The following ZNF345 variants were observed in gnomAD, a reference collection of about 807,000 sequenced individuals.
ZNF345 encodes zinc finger protein HZF10.
For synonymous variants in ZNF345, 166 were observed against 187.9 expected, an observed-to-expected ratio of 0.88 and a Z score of 0.95; for missense variants, 527 against 589.9, an observed-to-expected ratio of 0.89 and a Z score of 1.10.
chr19:36,850,480 T>G (rs1234307637), upstream of ZNF345: 1 of 152,198 alleles, frequency 6.6e-6, no homozygotes, highest in Non-Finnish European at 1.5e-5. Flanking sequence ...ACGGGCTGGG[T>G]GAAGGAGTTA....
intron 2 of ZNF345, among the ~76,000 whole-genome samples, chr19:36,873,933 A>C (rs1312155210): frequency 1.3e-5 from 2 of 152,120 alleles, no homozygotes; most frequent in African/African-American, 4.8e-5. Context: ...ACTGCTTTGA[A>C]CATGTGAGTG....
At chr19:36,868,780 C>T (rs2072716368) in intron 2 of ZNF345, among the ~76,000 whole-genome samples, 2 of 152,012 alleles carry the variant, frequency 1.3e-5, no homozygotes, top group African/African-American at 4.8e-5. Flanking sequence ...TGCGTGCCAC[C>T]ACGCCCAGCT....
At chr19:36,864,125 A>G (rs1477817883) in intron 2 of ZNF345, among the ~76,000 whole-genome samples, 2 of 152,242 alleles carry the variant, frequency 1.3e-5, no homozygotes, top group Non-Finnish European at 2.9e-5. Flanking sequence ...TTGAACTAGG[A>G]AAGTTTAATA....
At chr19:36,892,598 G>T in intron 3 of ZNF345, 1 of 1,002,426 alleles carries the variant, frequency 1.0e-6, no homozygotes, top group South Asian at 1.7e-5. Context: ...AGGTGGAGAG[G>T]CAATCTGTAA....
chr19:36,880,824 A>T (rs947775230), downstream of ZNF345, among the ~76,000 whole-genome samples: 1 of 152,178 alleles, frequency 6.6e-6, no homozygotes, highest in African/African-American at 2.4e-5. Flanking sequence ...ATTATTTTTT[A>T]AATAAGTGGC....
chr19:36,881,955 GTC>G (rs2072970651), downstream of ZNF345, among the ~76,000 whole-genome samples: 1 of 151,554 alleles, frequency 6.6e-6, no homozygotes, highest in South Asian at 2.1e-4. Context: ...TCAGTTTTCA[GTC>G]TCTGTATATA....
At chr19:36,872,857 A>G in intron 2 of ZNF345, 1 of 152,232 alleles carries the variant, frequency 6.6e-6, no homozygotes. Flanking sequence ...TTTCCGCAGC[A>G]CAATTCATTA....
At chr19:36,860,507 T>C (rs1187733699) in intron 2 of ZNF345, among the ~76,000 whole-genome samples, 1 of 152,158 alleles carries the variant, frequency 6.6e-6, no homozygotes, top group Non-Finnish European at 1.5e-5. Flanking sequence ...TCTGGAAGAG[T>C]TGCTCTCTCT....
chr19:36,866,210 TTTC>T (rs2072657041), intron 2 of ZNF345, among the ~76,000 whole-genome samples: 1 of 152,166 alleles, frequency 6.6e-6, no homozygotes. Flanking sequence ...CTGTTTCTTT[TTTC>T]TTCTTTTCCC....
chr19:36,866,360 C>A (rs2072659851), intron 2 of ZNF345, among the ~76,000 whole-genome samples: 1 of 152,066 alleles, frequency 6.6e-6, no homozygotes, highest in Admixed American at 6.5e-5. Context: ...AAGCCATCTG[C>A]CTGCCCAAAC....
intron 3 of ZNF345, chr19:36,891,750 A>G (rs1265993348): frequency 1.2e-6 from 2 of 1,614,072 alleles, no homozygotes; most frequent in Non-Finnish European, 1.7e-6. Context: ...GCTTCTCACC[A>G]GCATGAATTC....
chr19:36,871,118 A>G (rs2072762553), intron 2 of ZNF345, among the ~76,000 whole-genome samples: 1 of 152,226 alleles, frequency 6.6e-6, no homozygotes, highest in Admixed American at 6.5e-5. Context: ...AGTGTCTGGT[A>G]AGGACCTGCT....
Position 36,876,795 on chromosome 19 carries a change from A to G in ZNF345, c.-36A>G, listed in dbSNP as rs754095062. 1 of 1,541,034 alleles carries G rather than the reference A, an allele frequency of 6.5e-7. No homozygotes were observed. The highest frequency in any genetic ancestry group is 1.4e-5 in the African/African-American group (1 of 72,212). On this transcript the variant is annotated 5_prime_UTR_variant, in exon 3 of 3. Coordinates refer to ENST00000420450, the MANE Select transcript of ZNF345 (RefSeq NM_001242472.2). ...TATATTTTCTTTCAGACTATGAATC[A>G]AAGTTGAGACCAAGAAATTATTTCT...
chr19:36,872,977 G>A (rs989452801), intron 2 of ZNF345, among the ~76,000 whole-genome samples: 3 of 152,014 alleles, frequency 2.0e-5, no homozygotes, highest in African/African-American at 7.2e-5. Flanking sequence ...TAGATTCTTA[G>A]CAAACTTCTA....
chr19:36,877,341 G>C lies in ZNF345; in HGVS notation c.511G>C (p.Glu171Gln). Residue 171 changes from glutamate (E) to glutamine (Q), a missense_variant, in exon 3 of 3, where the codon GAG (glutamate) becomes CAG (glutamine). Glu to Gln is a conservative substitution (Grantham distance 29). Transcript: ENST00000420450. ...TCGACATCAGATCATTCACAGTGGTGAGAAGCCTTATGAGTGTAAGGAATG... is the reference window on the plus strand; with the variant it reads ...TCGACATCAGATCATTCACAGTGGTCAGAAGCCTTATGAGTGTAAGGAATG... ...LIRHQIIHSG[E>Q]KPYECKECGK... is the part of the protein sequence containing the mutation. 1 of 1,614,146 alleles carries C rather than the reference G, an allele frequency of 6.2e-7. No individual in the cohort carries two copies. The highest frequency in any genetic ancestry group is 8.5e-7 in the Non-Finnish European group (1 of 1,180,010).
At chr19:36,871,363 C>T (rs935729189) in intron 2 of ZNF345, among the ~76,000 whole-genome samples, 4 of 152,166 alleles carry the variant, frequency 2.6e-5, no homozygotes, top group African/African-American at 9.7e-5. Context: ...CATCCATCAC[C>T]CAAATTCTTC....
At chr19:36,892,062 C>T (rs2073059412) in intron 3 of ZNF345, 1 of 1,613,848 alleles carries the variant, frequency 6.2e-7, no homozygotes, top group Non-Finnish European at 8.5e-7. Flanking sequence ...TTCCACATTC[C>T]TTACATTCAT....
chr19:36,858,692 G>A (rs2072477808), intron 2 of ZNF345, among the ~76,000 whole-genome samples: 1 of 152,148 alleles, frequency 6.6e-6, no homozygotes, highest in Admixed American at 6.6e-5. Flanking sequence ...CTTGAACCTG[G>A]GAGGTGGAGG....
intron 3 of ZNF345, among the ~76,000 whole-genome samples, chr19:36,886,978 A>C (rs2073003788): frequency 7.2e-6 from 1 of 139,314 alleles, no homozygotes; most frequent in Admixed American, 7.3e-5. Flanking sequence ...TGGGCGAAAG[A>C]GTGAGACTCC....
Sources: allele counts gnomAD v4.1 joint callset (sites outside exome capture counted in the v4.1 genomes callset), GRCh38; gene constraint gnomAD v4.1.1; transcripts MANE v1.5; gene names NCBI Gene and HGNC (gene_info 2026-07-23, HGNC 2026-07-21).